Variants in UBE3B observed in about 807,000 individuals in gnomAD.
UBE3B encodes the protein ubiquitin-protein ligase E3B.
UBE3B carries 80 observed loss-of-function variants against 132.3 expected under a neutral mutation model. The ratio of observed to expected loss-of-function variants is 0.60; its 90% CI spans 0.50 to 0.73. The LOEUF is 0.73. Ranked by LOEUF, UBE3B falls within the 30% of genes least tolerant of loss-of-function variation. The pLI is 0.00. For missense variants in UBE3B, 1,196 were observed against 1,362.5 expected (o/e 0.88, Z 1.92); for synonymous variants, 487 against 520.4 (o/e 0.94, Z 0.87).
At chr12:109,523,196 C>T (rs1179983615) in intron 21 of UBE3B, among the ~76,000 whole-genome samples, 2 of 152,228 alleles carry the variant, frequency 1.3e-5, no homozygotes, top group Non-Finnish European at 2.9e-5. Context: ...TCAGCCTCTC[C>T]AGTCCACATG....
chr12:109,496,505 A>AGT (rs1878224487), intron 9 of UBE3B, among the ~76,000 whole-genome samples: 1 of 152,224 alleles, frequency 6.6e-6, no homozygotes, highest in East Asian at 1.9e-4. Context: ...TCCCAGGAGT[A>AGT]GTGTTGTGTG....
chr12:109,533,355 C>T, intron 26 of UBE3B, 111 bp from the exon 27 acceptor site: 8 of 1,007,308 alleles, frequency 7.9e-6, no homozygotes, highest in African/African-American at 1.6e-5. Context: ...GGCTAGACAG[C>T]AGTTACAACA....
At position 109,521,076 on chromosome 12, in the gene UBE3B, A is replaced by T; in HGVS notation, c.2077-72A>T. On this transcript the variant is annotated intron_variant, in intron 19 of 27. Transcript: ENST00000342494. This position sits in a 1 kb window ranked among gnomAD's most constrained non-coding sequence, Gnocchi z 4.2. ...ATGATGCTGGGAGAGCTTCGCACAG[A>T]GGAGAGGGAACCCCGAATTGTGTGC... The T allele has an allele frequency of 6.4e-7, 1 of 1,561,700 alleles. No individual in the cohort carries two copies. Among genetic ancestry groups the T allele is most frequent in the South Asian group, 1.2e-5 (1 of 86,514 alleles).
rs1421320276 is a variant in UBE3B, at chr12:109,521,638, G to T, written c.2364+87G>T. 14 of 1,284,088 alleles carry T rather than the reference G, an allele frequency of 1.1e-5. No homozygotes were observed. The highest frequency in any genetic ancestry group is 1.5e-5 in the Non-Finnish European group (14 of 943,280). The allele number at this position is 1,284,088 out of a possible 1,614,324, so 79.5% of individuals were successfully genotyped here. ...CACATACACATATGTGATCAGGCTT[G>T]GCCATGTAAACTGTCACTAGGATAC... On this transcript the variant is annotated intron_variant, in intron 21 of 27. Coordinates refer to ENST00000342494, the MANE Select transcript of UBE3B (RefSeq NM_130466.4). This position sits in a 1 kb window ranked among gnomAD's most constrained non-coding sequence, Gnocchi z 4.2.
At chr12:109,514,414 C>T (rs1384915789) in intron 18 of UBE3B, among the ~76,000 whole-genome samples, 1 of 152,232 alleles carries the variant, frequency 6.6e-6, no homozygotes, top group Non-Finnish European at 1.5e-5. Context: ...CCTGGATAAG[C>T]TTGCCTCAGA....
At position 109,507,413 on chromosome 12, in the gene UBE3B, A is replaced by T. The variant is rs74961634; in HGVS notation, c.1451-151A>T. 9.6e-3 allele frequency: 7,713 copies of T among 800,196 alleles called. 335 individuals carry two copies. The African/African-American group carries it at 0.098, about 10-fold the overall frequency. The allele number at this position is 800,196 out of a possible 1,614,324, so 49.6% of individuals were successfully genotyped here. On this transcript the variant is annotated intron_variant, in intron 14 of 27. Coordinates refer to ENST00000342494, the MANE Select transcript of UBE3B (RefSeq NM_130466.4). ...TCTTATCATTGTTACTCTCGTGGTG[A>T]TAATGCTTTTCTCCATAATCCCACC...
chr12:109,530,358 A>C (rs1407573856), intron 25 of UBE3B, among the ~76,000 whole-genome samples, 189 bp from the exon 26 acceptor site: 2 of 152,174 alleles, frequency 1.3e-5, no homozygotes, highest in African/African-American at 4.8e-5. Context: ...CCAGCTCTCA[A>C]ATTCCCCACC....
intron 9 of UBE3B, among the ~76,000 whole-genome samples, chr12:109,492,937 A>C (rs1035352536): frequency 6.6e-6 from 1 of 152,134 alleles, no homozygotes; most frequent in Non-Finnish European, 1.5e-5. Context: ...CTGAATTTGG[A>C]CCAGCCGCAT....
chr12:109,520,743 A>ATTTTTTT (rs35964882), intron 19 of UBE3B: 2 of 148,532 alleles, frequency 1.3e-5, no homozygotes. Context: ...TGTAGGTTTG[A>ATTTTTTT]TTTTTTTTTT....
chr12:109,523,917 C>T, intron 21 of UBE3B, 61 bp from the exon 22 acceptor site: 11 of 1,603,442 alleles, frequency 6.9e-6, no homozygotes, highest in Non-Finnish European at 9.4e-6. Flanking sequence ...TGAGCCACCC[C>T]AATCCAAACA....
chr12:109,540,710 G>A (rs1049097022), downstream of UBE3B, among the ~76,000 whole-genome samples: 5 of 152,258 alleles, frequency 3.3e-5, no homozygotes, highest in African/African-American at 7.2e-5. Context: ...AGAAGCTATT[G>A]TGAAGTCATT....
At chr12:109,502,588 G>A (rs984452906) in intron 13 of UBE3B, among the ~76,000 whole-genome samples, 3 of 152,178 alleles carry the variant, frequency 2.0e-5, no homozygotes, top group Admixed American at 2.0e-4. Context: ...AACAAAGGTA[G>A]AATATCATTC....
rs150971562 is a variant in UBE3B at position 109,524,043 on chromosome 12, C to A, written c.2430C>A (p.Ser810Arg). Reference protein sequence around the residue: ...FLSQLLGHHHSVFYSSVDELP... With the variant: ...FLSQLLGHHHRVFYSSVDELP... ...GCCAACTGCTTGGGCACCACCACAG[C>A]GTCTTCTATAGCTCGGTGGATGAAC... Residue 810 changes from serine to arginine, a missense_variant, in exon 22 of 28, where the codon AGC becomes AGA. Coordinates refer to ENST00000342494, the MANE Select transcript of UBE3B (RefSeq NM_130466.4). 1 of 1,614,166 alleles carries A rather than the reference C, an allele frequency of 6.2e-7. No individual in the cohort carries two copies. Among genetic ancestry groups the A allele is most frequent in the Non-Finnish European group, 8.5e-7 (1 of 1,180,026 alleles).
chr12:109,534,515 G>GCTCCCTGGC lies in UBE3B; in HGVS notation c.3016-73_3016-65dup, dbSNP rs1346622220. ...GGGACTGGCCAGATCCCCTCCCTGG[G>GCTCCCTGGC]CTCCCTGGCCTTGGCATCAGCCTGG... On this transcript the variant is annotated intron_variant, in intron 27 of 27. Transcript: ENST00000342494. This position sits in a 1 kb window ranked among gnomAD's most constrained non-coding sequence, Gnocchi z 5.2. The GCTCCCTGGC allele has an allele frequency of 1.3e-6, 2 of 1,526,874 alleles. No homozygotes were observed. Among genetic ancestry groups the GCTCCCTGGC allele is most frequent in the Non-Finnish European group, 1.8e-6 (2 of 1,138,174 alleles). 94.6% of individuals were successfully genotyped at this position (1,526,874 alleles called of 1,614,324 possible).
chr12:109,523,145 T>C (rs1363501409), intron 21 of UBE3B, among the ~76,000 whole-genome samples: 1 of 152,114 alleles, frequency 6.6e-6, no homozygotes, highest in Non-Finnish European at 1.5e-5. Context: ...CCCCTTACGG[T>C]CCTCTGACAG....
Position 109,488,667 on chromosome 12 carries a change from A to C in UBE3B, c.543A>C (p.Lys181Asn). ...CAACGTGGAAAATTCTTCGGGGAAA[A>C]GGTCTGTGGGACTTGCTTCAAAATG... is the stretch of plus-strand genomic sequence containing the variant. Reference protein sequence around the residue: ...DTSTWKILRGKGESLRPAMNH... With the variant: ...DTSTWKILRGNGESLRPAMNH... The change falls in exon 7 of 28, where the codon AAA (lysine) becomes AAC (asparagine). Residue 181 changes from lysine to asparagine, a missense_variant and splice_region_variant. Lys to Asn is a moderately conservative substitution (Grantham distance 94, BLOSUM62 0). Transcript: ENST00000342494. 6.2e-7 allele frequency: 1 copy of C among 1,613,324 alleles called. No individual in the cohort carries two copies. Among genetic ancestry groups the C allele is most frequent in the South Asian group, 1.1e-5 (1 of 91,054 alleles).
At chr12:109,497,171 A>G (rs1165404415) in intron 9 of UBE3B, among the ~76,000 whole-genome samples, 1 of 152,098 alleles carries the variant, frequency 6.6e-6, no homozygotes, top group Non-Finnish European at 1.5e-5. Flanking sequence ...GCAGAAAAAC[A>G]TAAAAAAGAA....
chr12:109,498,778 G>T (rs1197211600), intron 11 of UBE3B, among the ~76,000 whole-genome samples: 1 of 151,970 alleles, frequency 6.6e-6, no homozygotes, highest in African/African-American at 2.4e-5. Context: ...TGAGGCAGAG[G>T]CACAGAATTC....
intron 9 of UBE3B, among the ~76,000 whole-genome samples, chr12:109,495,717 G>A (rs59505191): frequency 0.092 from 13,973 of 152,234 alleles, 1,535 homozygotes; most frequent in African/African-American, 0.26. Context: ...CAAAGGGATG[G>A]GCCGAAATAA....
Sources: allele counts gnomAD v4.1 joint callset (sites outside exome capture counted in the v4.1 genomes callset), GRCh38; gene constraint gnomAD v4.1.1; non-coding constraint Gnocchi (gnomAD v3.1); transcripts MANE v1.5; gene names NCBI Gene and HGNC (gene_info 2026-07-23, HGNC 2026-07-21).